Variants in AGBL1 observed in about 807,000 individuals in gnomAD.
AGBL1 encodes the protein cytosolic carboxypeptidase 4.
AGBL1 carries 130 observed loss-of-function variants against 118.9 expected under a neutral mutation model. The ratio of observed to expected loss-of-function variants is 1.09; its 90% CI spans 0.95 to 1.26. AGBL1 has a LOEUF of 1.26. AGBL1 is among the 50% of genes most tolerant of loss of function. The probability of loss-of-function intolerance (pLI) is 0.00; values close to 1 mark genes in which losing one functional copy is unlikely to be tolerated. For missense variants in AGBL1, 1,584 were observed against 1,298.1 expected, an observed-to-expected ratio of 1.22 and a Z score of -3.38; for synonymous variants, 555 against 478.9, an observed-to-expected ratio of 1.16 and a Z score of -2.08.
chr15:86,194,166 A>ACAT (rs2077764186), intron 5 of AGBL1, among the ~76,000 whole-genome samples: 1 of 152,242 alleles, frequency 6.6e-6, no homozygotes, highest in South Asian at 2.1e-4. Flanking sequence ...ACCCAGAAGT[A>ACAT]CATCTGCACT....
At chr15:86,379,690 T>C (rs1277475865) in intron 17 of AGBL1, among the ~76,000 whole-genome samples, 1 of 152,202 alleles carries the variant, frequency 6.6e-6, no homozygotes, top group African/African-American at 2.4e-5. Flanking sequence ...CTCAGGGTAC[T>C]TCAATGACTA....
At chr15:86,881,366 C>G (rs956263355) in intron 22 of AGBL1, among the ~76,000 whole-genome samples, 1 of 152,146 alleles carries the variant, frequency 6.6e-6, no homozygotes, top group East Asian at 1.9e-4. Flanking sequence ...CTCACGTTCT[C>G]GCCTCTCATG....
intron 22 of AGBL1, among the ~76,000 whole-genome samples, chr15:86,855,143 C>T (rs2079460134): frequency 6.6e-6 from 1 of 152,200 alleles, no homozygotes; most frequent in Admixed American, 6.5e-5. Context: ...AATAAAGGGT[C>T]AAGGTCTAAG....
intron 21 of AGBL1, among the ~76,000 whole-genome samples, chr15:86,629,707 T>C (rs966413672): frequency 1.3e-5 from 2 of 152,070 alleles, no homozygotes; most frequent in African/African-American, 2.4e-5. Flanking sequence ...TCTGAATAAA[T>C]CTAGGCAGCA....
chr15:86,281,063 T>A (rs994549353), intron 16 of AGBL1, among the ~76,000 whole-genome samples: 2 of 152,170 alleles, frequency 1.3e-5, no homozygotes, highest in African/African-American at 4.8e-5. Flanking sequence ...GTTTTTATGG[T>A]CTTGCCTGTG....
At chr15:86,269,893 C>T (rs1431584464) in intron 13 of AGBL1, 26 bp from the exon 14 acceptor site, 2 of 1,608,238 alleles carry the variant, frequency 1.2e-6, no homozygotes, top group East Asian at 2.2e-5. Flanking sequence ...TCCAGATAAC[C>T]CTCCAGTCTT....
rs758576451 is a variant in AGBL1, at chr15:86,247,874, A to G, written c.730A>G (p.Thr244Ala). The part of the protein sequence containing the change: ...AQGMEILFST[T>A]QNCLDDKSME... ...GGGCATGGAGATCCTCTTCAGCACC[A>G]CACAGGCAGGCAGCATGGGGATTCA... is the stretch of plus-strand genomic sequence containing the variant. The change falls in exon 7 of 23, where the codon ACA (threonine) becomes GCA (alanine). Residue 244 changes from threonine (T) to alanine (A), a missense_variant. Physicochemically the swap from Thr to Ala is moderately conservative, Grantham distance 58 (BLOSUM62 0). Coordinates refer to ENST00000614907, the MANE Select transcript of AGBL1 (RefSeq NM_001386094.1). The G allele has an allele frequency of 1.9e-6, 3 of 1,613,862 alleles. No homozygotes were observed. Among genetic ancestry groups the G allele is most frequent in the Non-Finnish European group, 2.5e-6 (3 of 1,179,886 alleles).
At chr15:86,600,963 C>T (rs1229441851) in intron 21 of AGBL1, among the ~76,000 whole-genome samples, 1 of 152,100 alleles carries the variant, frequency 6.6e-6, no homozygotes, top group East Asian at 1.9e-4. Flanking sequence ...CTGACATTTT[C>T]CAAGGGTCCA....
At chr15:86,630,989 A>G (rs78857257) in intron 21 of AGBL1, 17,989 of 154,610 alleles carry the variant, frequency 0.12, 1,197 homozygotes, top group East Asian at 0.15. Flanking sequence ...AGGTGAGGAC[A>G]GGACAGAGGT....
chr15:86,244,067 A>G (rs1278864771), intron 6 of AGBL1, among the ~76,000 whole-genome samples: 11 of 146,688 alleles, frequency 7.5e-5, no homozygotes, highest in African/African-American at 2.7e-4. Flanking sequence ...AAATAAGTAA[A>G]TAAATAAATA....
Position 86,279,774 on chromosome 15 carries a change from A to C in AGBL1, c.2211A>C (p.Thr737=). 6.2e-7 allele frequency: 1 copy of C among 1,613,678 alleles called. No homozygotes were observed. Among genetic ancestry groups the C allele is most frequent in the African/African-American group, 1.3e-5 (1 of 75,024 alleles). The change falls in exon 16 of 23, where the codon ACA becomes ACC. Residue 737 remains threonine, a synonymous_variant. Coordinates refer to ENST00000614907, the MANE Select transcript of AGBL1 (RefSeq NM_001386094.1). ...YLAYHYPYTY[T]ALMTHLDILE... ...CCTACCACTATCCCTATACCTACACAGCCCTCATGGTAACTTCCTCTTTAT... is the reference window on the plus strand; with the variant it reads ...CCTACCACTATCCCTATACCTACACCGCCCTCATGGTAACTTCCTCTTTAT...
intron 18 of AGBL1, among the ~76,000 whole-genome samples, chr15:86,450,284 C>T (rs368563325): frequency 6.6e-6 from 1 of 152,202 alleles, no homozygotes; most frequent in Admixed American, 6.5e-5. Context: ...TATGTTTTTA[C>T]TCCACATTTT....
At chr15:86,516,030 A>G (rs2083116847) in intron 18 of AGBL1, among the ~76,000 whole-genome samples, 1 of 152,206 alleles carries the variant, frequency 6.6e-6, no homozygotes, top group African/African-American at 2.4e-5. Context: ...TCATAGGTAG[A>G]TAAGAGACAA....
intron 21 of AGBL1, among the ~76,000 whole-genome samples, chr15:86,641,631 G>C (rs1221249780): frequency 6.6e-6 from 1 of 152,072 alleles, no homozygotes; most frequent in East Asian, 1.9e-4. Context: ...CAACCACAGT[G>C]TGTATATTTT....
chr15:86,901,923 A>G (rs181402037), intron 22 of AGBL1, among the ~76,000 whole-genome samples: 83 of 152,258 alleles, frequency 5.5e-4, no homozygotes, highest in African/African-American at 1.9e-3. Flanking sequence ...CAGCAAAACT[A>G]TTAATATCAA....
chr15:86,137,831 A>C (rs1483517954), intron 1 of AGBL1, among the ~76,000 whole-genome samples: 1 of 152,200 alleles, frequency 6.6e-6, no homozygotes. Context: ...TCTCAGAGGC[A>C]GCTCCGGAGG....
At chr15:86,420,028 T>C (rs1176824882) in intron 18 of AGBL1, among the ~76,000 whole-genome samples, 3 of 152,170 alleles carry the variant, frequency 2.0e-5, no homozygotes, top group African/African-American at 7.2e-5. Context: ...GGGGTGGCTG[T>C]GGGCACAGCT....
chr15:86,866,811 C>A (rs1021561236), intron 22 of AGBL1, among the ~76,000 whole-genome samples: 2 of 152,184 alleles, frequency 1.3e-5, no homozygotes, highest in East Asian at 3.9e-4. Flanking sequence ...GAGGACAGAG[C>A]AAGACTCCAT....
At chr15:86,571,436 A>ATT (rs2084004863) in intron 21 of AGBL1, among the ~76,000 whole-genome samples, 1 of 152,166 alleles carries the variant, frequency 6.6e-6, no homozygotes, top group Non-Finnish European at 1.5e-5. Context: ...CAGAGGGCCC[A>ATT]CAGTAGGCAG....
Sources: allele counts gnomAD v4.1 joint callset (sites outside exome capture counted in the v4.1 genomes callset), GRCh38; gene constraint gnomAD v4.1.1; transcripts MANE v1.5; gene names NCBI Gene and HGNC (gene_info 2026-07-23, HGNC 2026-07-21).